The following LMBR1 variants were observed in gnomAD, a reference collection of about 807,000 sequenced individuals.
The protein encoded by LMBR1 is limb development membrane protein 1.
In LMBR1, 52 loss-of-function variants were observed where a neutral mutation model predicts 73.9. That is an observed-to-expected ratio of 0.70 (90% confidence interval 0.56 to 0.89). The LOEUF (loss-of-function observed/expected upper bound fraction) is 0.89, where lower values mean the gene tolerates loss of function less well. Among genes scored for constraint, LMBR1 ranks in the 40% least tolerant of loss-of-function variants. The pLI is 0.00. For synonymous variants in LMBR1, 215 were observed against 209.4 expected (o/e 1.03, Z -0.23); for missense variants, 539 against 579.8 (o/e 0.93, Z 0.72).
At chr7:156,825,211 T>A (rs1271081888) in intron 4 of LMBR1, among the ~76,000 whole-genome samples, 1 of 151,986 alleles carries the variant, frequency 6.6e-6, no homozygotes, top group Admixed American at 6.6e-5. Context: ...AGAAAAAAAA[T>A]TTTCAAAAAA....
At chr7:156,853,386 T>G (rs1296498957) in intron 1 of LMBR1, among the ~76,000 whole-genome samples, 1 of 152,084 alleles carries the variant, frequency 6.6e-6, no homozygotes, top group Non-Finnish European at 1.5e-5. Flanking sequence ...GGACAGATCA[T>G]TCCAAACTAC....
chr7:156,676,449 A>C (rs1367786750), downstream of LMBR1: 3 of 1,614,062 alleles, frequency 1.9e-6, no homozygotes, highest in Non-Finnish European at 2.5e-6. Flanking sequence ...CGAGTGCTCC[A>C]TCTGCCTGGC....
At chr7:156,762,858 T>TGA (rs1823354237) in intron 7 of LMBR1, among the ~76,000 whole-genome samples, 1 of 151,962 alleles carries the variant, frequency 6.6e-6, no homozygotes, top group East Asian at 1.9e-4. Context: ...TGTGTGTGTG[T>TGA]GTGTGTGTGT....
rs752027347 is a variant in LMBR1, at chr7:156,796,508, C to T, written c.320-16G>A. The T allele has an allele frequency of 2.0e-6, 3 of 1,534,346 alleles. No individual in the cohort carries two copies. The highest frequency in any genetic ancestry group is 2.7e-6 in the Non-Finnish European group (3 of 1,127,614). Reference sequence around the variant, plus strand: ...TTCCACAAACCTATAAAAAGGGTAACAAGAAAAGAAGAAAAACAGGTTAGA... The same window carrying T: ...TTCCACAAACCTATAAAAAGGGTAATAAGAAAAGAAGAAAAACAGGTTAGA... On this transcript the variant is annotated splice_polypyrimidine_tract_variant and intron_variant, in intron 4 of 16. Transcript: ENST00000353442.
chr7:156,830,194 T>A (rs1284467018), intron 3 of LMBR1, among the ~76,000 whole-genome samples: 1 of 152,206 alleles, frequency 6.6e-6, no homozygotes, highest in Non-Finnish European at 1.5e-5. Flanking sequence ...AATCTCAGAC[T>A]CAATGTGACA....
intron 9 of LMBR1, among the ~76,000 whole-genome samples, chr7:156,754,391 G>T (rs1417866197): frequency 6.6e-6 from 1 of 152,012 alleles, no homozygotes; most frequent in Non-Finnish European, 1.5e-5. Flanking sequence ...CTACAGCAAA[G>T]CACTTCTTGG....
intron 1 of LMBR1, among the ~76,000 whole-genome samples, chr7:156,866,798 T>A (rs1240908889): frequency 6.6e-6 from 1 of 151,988 alleles, no homozygotes; most frequent in Non-Finnish European, 1.5e-5. Context: ...GAGACGAGAT[T>A]TCACCATCTT....
intron 9 of LMBR1, among the ~76,000 whole-genome samples, chr7:156,746,463 G>T (rs1819874155): frequency 6.6e-6 from 1 of 152,120 alleles, no homozygotes; most frequent in South Asian, 2.1e-4. Context: ...CAAATGTCTA[G>T]ACCACTCAAT....
chr7:156,703,148 G>A (rs1438705239), intron 15 of LMBR1, among the ~76,000 whole-genome samples: 1 of 152,222 alleles, frequency 6.6e-6, no homozygotes, highest in Non-Finnish European at 1.5e-5. Context: ...TCCAGGGTGT[G>A]TCCTATGTGC....
chr7:156,704,203 A>G (rs941436654), intron 15 of LMBR1, among the ~76,000 whole-genome samples: 9 of 152,208 alleles, frequency 5.9e-5, no homozygotes, highest in Admixed American at 5.9e-4. Flanking sequence ...AAGAACAGAC[A>G]TGCTTAGCCC....
In LMBR1 at chr7:156,683,695, A is replaced by G. The variant is rs3487; in HGVS notation, c.*383T>C. The G allele has an allele frequency of 0.19, 30,212 of 162,870 alleles. 3,541 individuals carry two copies. Among genetic ancestry groups the G allele is most frequent in the East Asian group, 0.42 (2,413 of 5,764 alleles). The allele number at this position is 162,870 out of a possible 1,614,324, so 10.1% of individuals were successfully genotyped here. A position where few individuals can be genotyped will look rare whatever the true frequency, so the allele number is the denominator to read the frequency against. ...CAAGTCAGCTTCTACATTCTGAATA[A>G]AGTACATAATGGGATTTAAGTAAAT... On this transcript the variant is annotated 3_prime_UTR_variant, in exon 17 of 17. Coordinates refer to ENST00000353442, the MANE Select transcript of LMBR1 (RefSeq NM_022458.4).
intron 4 of LMBR1, among the ~76,000 whole-genome samples, chr7:156,806,444 C>T (rs1030978491): frequency 2.9e-5 from 4 of 139,446 alleles, no homozygotes; most frequent in African/African-American, 1.0e-4. Context: ...TCCTTTCCAA[C>T]TTCAGTGACT....
intron 15 of LMBR1, among the ~76,000 whole-genome samples, chr7:156,716,913 T>C (rs1187925023): frequency 6.7e-6 from 1 of 149,582 alleles, no homozygotes; most frequent in Non-Finnish European, 1.5e-5. Context: ...AGCCCAGGAG[T>C]TCAAGGAGTT....
chr7:156,806,508 A>G (rs2133535876), intron 4 of LMBR1, among the ~76,000 whole-genome samples: 1 of 151,866 alleles, frequency 6.6e-6, no homozygotes, highest in East Asian at 1.9e-4. Flanking sequence ...TGGTAAGAAC[A>G]GATGTCCTTG....
At chr7:156,761,976 C>CAAAAAAAAAAAAAAAA (rs552712592) in intron 8 of LMBR1, among the ~76,000 whole-genome samples, 158 bp downstream of exon 8, 86 of 104,030 alleles carry the variant, frequency 8.3e-4, no homozygotes, top group African/African-American at 2.2e-3. Flanking sequence ...GACTCTGTCT[C>CAAAAAAAAAAAAAAAA]AAAAAAAAAA....
chr7:156,762,995 G>A (rs555381630), intron 7 of LMBR1, 113 bp downstream of exon 7: 9 of 595,754 alleles, frequency 1.5e-5, no homozygotes, highest in East Asian at 6.7e-5. Context: ...TAGTTAAGGC[G>A]AACTCAAAAA....
At chr7:156,719,288 A>G (rs1813973610) in intron 15 of LMBR1, among the ~76,000 whole-genome samples, 1 of 152,050 alleles carries the variant, frequency 6.6e-6, no homozygotes, top group Non-Finnish European at 1.5e-5. Flanking sequence ...AATTTCATCC[A>G]TGTCCCTACA....
At chr7:156,802,229 C>T (rs954282099) in intron 4 of LMBR1, among the ~76,000 whole-genome samples, 10 of 152,208 alleles carry the variant, frequency 6.6e-5, no homozygotes, top group South Asian at 2.1e-4. Flanking sequence ...GTGATCCACT[C>T]GCTTCGGCCT....
chr7:156,688,634 A>T (rs1415778819), intron 15 of LMBR1, among the ~76,000 whole-genome samples: 9 of 152,074 alleles, frequency 5.9e-5, no homozygotes, highest in Non-Finnish European at 1.2e-4. Context: ...TCTCTGGAGG[A>T]ACTGCCCGTC....
Sources: gnomAD v4.1 joint callset for allele counts (sites outside exome capture counted in the v4.1 genomes callset) on GRCh38, gnomAD v4.1.1 for gene constraint, MANE v1.5 for transcripts, NCBI Gene and HGNC (gene_info 2026-07-23, HGNC 2026-07-21) for gene names.